Variants in BZW2 observed in about 807,000 individuals in gnomAD.
BZW2 encodes basic leucine zipper and W2 domains 2.
BZW2 carries 23 observed loss-of-function variants against 53.2 expected under a neutral mutation model. That is an observed-to-expected ratio of 0.43 (90% CI 0.31 to 0.61). The LOEUF is 0.61. Ranked by LOEUF, BZW2 falls within the 20% of genes least tolerant of loss-of-function variation. The pLI is 0.09. For missense variants in BZW2, 409 were observed against 503.1 expected (o/e 0.81, Z 1.79); for synonymous variants, 227 against 186.4 (o/e 1.22, Z -1.77).
chr7:16,690,222 A>G (rs1019277788), intron 7 of BZW2, among the ~76,000 whole-genome samples: 7 of 146,252 alleles, frequency 4.8e-5, no homozygotes, highest in African/African-American at 1.8e-4. Context: ...TTTTTTTTTG[A>G]GACAGAGTCT....
chr7:16,649,410 A>G (rs1369528809), intron 1 of BZW2, among the ~76,000 whole-genome samples: 1 of 152,206 alleles, frequency 6.6e-6, no homozygotes, highest in African/African-American at 2.4e-5. Context: ...TCATAACCAG[A>G]GGCAGAAAGT....
intron 2 of BZW2, among the ~76,000 whole-genome samples, chr7:16,672,812 C>T (rs1782645811): frequency 6.6e-6 from 1 of 152,122 alleles, no homozygotes; most frequent in African/African-American, 2.4e-5. Flanking sequence ...GAGTCTAAAC[C>T]AAAACTCTTT....
chr7:16,652,147 G>A (rs1781996823), intron 1 of BZW2, among the ~76,000 whole-genome samples: 1 of 152,138 alleles, frequency 6.6e-6, no homozygotes, highest in Non-Finnish European at 1.5e-5. Flanking sequence ...CAGCCAAGTG[G>A]TTTGACATCT....
chr7:16,678,333 C>G (rs1782830795), intron 3 of BZW2, among the ~76,000 whole-genome samples: 1 of 151,894 alleles, frequency 6.6e-6, no homozygotes, highest in Admixed American at 6.6e-5. Flanking sequence ...GCATGGGCCA[C>G]CACGCCCGGC....
chr7:16,677,270 C>G (rs1377868008), intron 3 of BZW2, among the ~76,000 whole-genome samples: 2 of 152,142 alleles, frequency 1.3e-5, no homozygotes, highest in Non-Finnish European at 2.9e-5. Context: ...GCTCTCTTTA[C>G]TACCTGATTG....
chr7:16,687,962 C>G (rs1373327988), intron 6 of BZW2, among the ~76,000 whole-genome samples: 1 of 151,676 alleles, frequency 6.6e-6, no homozygotes. Flanking sequence ...GCTAAAAATT[C>G]ATCTTAAGTT....
chr7:16,650,937 T>C (rs1781971009), intron 1 of BZW2, among the ~76,000 whole-genome samples: 1 of 152,254 alleles, frequency 6.6e-6, no homozygotes, highest in African/African-American at 2.4e-5. Flanking sequence ...TGAACCATTC[T>C]TTAAGGTTAA....
chr7:16,660,270 C>T (rs965249204), intron 1 of BZW2, among the ~76,000 whole-genome samples: 1 of 151,854 alleles, frequency 6.6e-6, no homozygotes, highest in Admixed American at 6.6e-5. Flanking sequence ...AAAAAATTAG[C>T]CGGGCCTGGT....
Position 16,662,179 on chromosome 7 carries a change from C to G in BZW2, c.-7-3258C>G, listed in dbSNP as rs549664269. 32 of 152,212 alleles carry G rather than the reference C, an allele frequency of 2.1e-4. 1 individual carries two copies. The highest frequency in any genetic ancestry group is 7.2e-4 in the African/African-American group (30 of 41,552). 9.4% of individuals were successfully genotyped at this position (152,212 alleles called of 1,614,324 possible). A position where few individuals can be genotyped will look rare whatever the true frequency, so the allele number is the denominator to read the frequency against. On this transcript the variant is annotated intron_variant, in intron 1 of 11. Coordinates refer to ENST00000258761, the MANE Select transcript of BZW2 (RefSeq NM_014038.3). ...AATTTAGAGGGAAGTGGGGCCTCTG[C>G]TCCAAATAGTAACAGCTAAAGGATA...
chr7:16,655,603 T>G (rs1369182555), intron 1 of BZW2, among the ~76,000 whole-genome samples: 1 of 152,298 alleles, frequency 6.6e-6, no homozygotes, highest in African/African-American at 2.4e-5. Context: ...TATTGTGCAA[T>G]AGAACACTAG....
intron 1 of BZW2, among the ~76,000 whole-genome samples, chr7:16,646,744 C>G (rs1781874986): frequency 6.6e-6 from 1 of 152,216 alleles, no homozygotes; most frequent in African/African-American, 2.4e-5. Flanking sequence ...TCCTCGCCCT[C>G]CCCACTACTT....
At chr7:16,658,069 C>T (rs1243763380) in intron 1 of BZW2, among the ~76,000 whole-genome samples, 2 of 152,040 alleles carry the variant, frequency 1.3e-5, no homozygotes, top group Admixed American at 6.6e-5. Context: ...AAAATTAGAC[C>T]ATCTGGAAGA....
intron 5 of BZW2, 58 bp from the exon 6 acceptor site, chr7:16,685,847 A>G (rs1256774102): frequency 6.1e-6 from 9 of 1,470,158 alleles, no homozygotes; most frequent in Non-Finnish European, 7.1e-6. Flanking sequence ...CTTCATAGAC[A>G]TGGTTCCTTT....
intron 1 of BZW2, among the ~76,000 whole-genome samples, chr7:16,652,473 C>T (rs925771697): frequency 3.3e-5 from 5 of 152,126 alleles, no homozygotes; most frequent in African/African-American, 1.2e-4. Context: ...AGTACCAGAC[C>T]TGGTATATTT....
At chr7:16,687,288 A>C (rs1428695117) in intron 6 of BZW2, 1 of 152,148 alleles carries the variant, frequency 6.6e-6, no homozygotes, top group African/African-American at 2.4e-5. Flanking sequence ...ATTGTAGTAA[A>C]ATGTTTGGGG....
At chr7:16,649,274 A>G (rs890852827) in intron 1 of BZW2, among the ~76,000 whole-genome samples, 1 of 152,200 alleles carries the variant, frequency 6.6e-6, no homozygotes, top group Non-Finnish European at 1.5e-5. Context: ...TCTTGCACCT[A>G]GTGTATGCTC....
At chr7:16,693,856 A>G (rs1459791580) in intron 7 of BZW2, among the ~76,000 whole-genome samples, 2 of 152,198 alleles carry the variant, frequency 1.3e-5, no homozygotes, top group Non-Finnish European at 2.9e-5. Flanking sequence ...TAATAGGATG[A>G]TAGAACATTG....
chr7:16,675,565 C>G (rs1370097705), intron 3 of BZW2, among the ~76,000 whole-genome samples: 1 of 152,206 alleles, frequency 6.6e-6, no homozygotes, highest in East Asian at 1.9e-4. Context: ...TTCAAGCAAT[C>G]TGTTTGGTAC....
intron 10 of BZW2, 146 bp downstream of exon 10, chr7:16,698,332 A>G: frequency 9.0e-7 from 1 of 1,111,244 alleles, no homozygotes. Flanking sequence ...TATTGAGGCA[A>G]CCATACCATG....
Sources: allele counts gnomAD v4.1 joint callset (sites outside exome capture counted in the v4.1 genomes callset), GRCh38; gene constraint gnomAD v4.1.1; transcripts MANE v1.5; gene names NCBI Gene and HGNC (gene_info 2026-07-23, HGNC 2026-07-21).